Variants in MUC4 observed in about 807,000 individuals in gnomAD.
The protein encoded by MUC4 is mucin-4.
In MUC4, 202 loss-of-function variants were observed where a neutral mutation model predicts 257.9. The ratio of observed to expected loss-of-function variants is 0.78; its 90% CI spans 0.70 to 0.88. The LOEUF (loss-of-function observed/expected upper bound fraction) is 0.88, where lower values mean the gene tolerates loss of function less well. Among genes scored for constraint, MUC4 ranks in the 40% least tolerant of loss-of-function variants. The pLI is 0.00. For missense variants in MUC4, 5,976 were observed against 6,513.7 expected (o/e 0.92, Z 2.84); for synonymous variants, 2,351 against 2,757.1 (o/e 0.85, Z 4.62).
chr3:195,748,512 C>T (rs1169990301), intron 24 of MUC4, among the ~76,000 whole-genome samples: 1 of 152,382 alleles, frequency 6.6e-6, no homozygotes, highest in East Asian at 1.9e-4. Flanking sequence ...TGCAGTGAGC[C>T]GAGAACGCAC....
rs530204512 is a variant in MUC4, at chr3:195,778,869, G to A, written c.12711C>T (p.His4237=). The A allele has an allele frequency of 8.0e-5, 128 of 1,607,194 alleles. 4 individuals carry two copies. The South Asian group carries it at 1.1e-3, about 14-fold the overall frequency. Residue 4237 remains histidine (H), a synonymous_variant, in exon 2 of 25, where the codon CAC becomes CAT. Transcript: ENST00000463781. ...CACTGCTGACAGCAAGAGGGGTGGC[G>A]TGACCTGTGGATACTGAGGAAAGGC... ...VTSLSSVSTG[H]ATPLAVSSAT...
At chr3:195,794,590 G>A (rs144028011) in intron 1 of MUC4, among the ~76,000 whole-genome samples, 104 of 152,018 alleles carry the variant, frequency 6.8e-4, no homozygotes, top group African/African-American at 1.6e-3. Context: ...TCGAACTCCC[G>A]GCCTCAAGCG....
In MUC4 at chr3:195,780,409, C is replaced by T. The variant is rs769105131; in HGVS notation, c.11171G>A (p.Gly3724Asp). Reference protein sequence around the residue: ...PVTSTSSVSTGHVTPLHVTSP... With the variant: ...PVTSTSSVSTDHVTPLHVTSP... ...GGTGACATGAAGAGGGGTGACGTGA[C>T]CTGTAGATACTGAGGAAGTGCTGGT... The change falls in exon 2 of 25, where the codon GGT (glycine) becomes GAT (aspartate). Residue 3724 changes from glycine to aspartate, a missense_variant. This residue lies in a region of MUC4 where 330 missense variants were observed against 262.0 expected (regional missense o/e 1.26). Transcript: ENST00000463781. 1.3e-5 allele frequency: 20 copies of T among 1,535,362 alleles called. No homozygotes were observed. In the South Asian group the frequency reaches 2.4e-4, roughly 18 times the overall value.
At chr3:195,752,933 G>T in intron 20 of MUC4, 118 bp downstream of exon 20, 1 of 945,382 alleles carries the variant, frequency 1.1e-6, no homozygotes, top group Non-Finnish European at 1.5e-6. Flanking sequence ...GAAATCTGGA[G>T]CTCTGTCCTG....
Position 195,781,074 on chromosome 3 carries a change from G to A in MUC4, c.10506C>T (p.Thr3502=), listed in dbSNP as rs1443164698. 5 of 1,495,316 alleles carry A rather than the reference G, an allele frequency of 3.3e-6. No homozygotes were observed. The highest frequency in any genetic ancestry group is 1.6e-5 in the African/African-American group (1 of 62,532). 92.6% of individuals were successfully genotyped at this position (1,495,316 alleles called of 1,614,324 possible). A position where few individuals can be genotyped will look rare whatever the true frequency, so the allele number is the denominator to read the frequency against. The change falls in exon 2 of 25, where the codon ACC becomes ACT. Residue 3502 remains threonine, a synonymous_variant. Coordinates refer to ENST00000463781, the MANE Select transcript of MUC4 (RefSeq NM_018406.7). ...AAGCGCCGGTGACAGGAAGAGTGCT[G>A]GTGTCACCTGTGGATGCTGAGGAAG... ...TIPSSASTGD[T]STLPVTGASS... is the part of the protein sequence containing the mutation.
At chr3:195,805,066 C>CTT (rs10643598) in intron 1 of MUC4, among the ~76,000 whole-genome samples, 117,343 of 147,286 alleles carry the variant, frequency 0.8, 46,970 homozygotes, top group African/African-American at 0.86. Flanking sequence ...TTATCTTTAT[C>CTT]TTTTTTTTTT....
At chr3:195,778,166 C>T (rs189843800) in intron 3 of MUC4, 137 bp downstream of exon 3, 50 of 1,179,052 alleles carry the variant, frequency 4.2e-5, no homozygotes, top group Admixed American at 1.3e-4. Context: ...CCCTCAGGAG[C>T]GACTCCGATG....
At chr3:195,750,263 A>G (rs1184938734) in intron 23 of MUC4, 1 of 152,928 alleles carries the variant, frequency 6.5e-6, no homozygotes. Context: ...CAGAAATCCC[A>G]TCTCATTTTC....
At position 195,774,042 on chromosome 3, in the gene MUC4, G is replaced by A. The variant is rs537594144; in HGVS notation, c.13077+130C>T. ...TCAGGCAGAGGCCTGACATTAAGGA[G>A]GCTGTGGGGATGGACGAGGGGCCCA... On this transcript the variant is annotated intron_variant, in intron 4 of 24. Coordinates refer to ENST00000463781, the MANE Select transcript of MUC4 (RefSeq NM_018406.7). 4.9e-6 allele frequency: 6 copies of A among 1,235,150 alleles called. No homozygotes were observed. In the African/African-American group the frequency reaches 9.5e-5, roughly 20 times the overall value. 76.5% of individuals were successfully genotyped at this position (1,235,150 alleles called of 1,614,324 possible). A position where few individuals can be genotyped will look rare whatever the true frequency, so the allele number is the denominator to read the frequency against.
At chr3:195,803,893 C>G (rs1051725808) in intron 1 of MUC4, among the ~76,000 whole-genome samples, 1 of 151,956 alleles carries the variant, frequency 6.6e-6, no homozygotes, top group Non-Finnish European at 1.5e-5. Context: ...GCAGAGGGCT[C>G]TGAGCCTGAG....
At position 195,770,326 on chromosome 3, in the gene MUC4, C is replaced by G; in HGVS notation, c.13288G>C (p.Ala4430Pro). 6.2e-7 allele frequency: 1 copy of G among 1,614,006 alleles called. No individual in the cohort carries two copies. The highest frequency in any genetic ancestry group is 8.5e-7 in the Non-Finnish European group (1 of 1,179,984). Residue 4430 changes from alanine to proline, a missense_variant, in exon 6 of 25, where the codon GCC becomes CCC. By Grantham distance (27) the Ala-to-Pro change is conservative (BLOSUM62 -1). This residue lies in a region of MUC4 where 996 missense variants were observed against 1,137.3 expected (regional missense o/e 0.88). Coordinates refer to ENST00000463781, the MANE Select transcript of MUC4 (RefSeq NM_018406.7). Reference sequence around the variant, plus strand: ...GTCATCTTTCTAATCCAAGACTCGGCCTGCTGGACTAGCAGGCTGTGTTCA... The same window carrying G: ...GTCATCTTTCTAATCCAAGACTCGGGCTGCTGGACTAGCAGGCTGTGTTCA... The part of the protein sequence containing the change: ...YGEHSLLVQQ[A>P]ESWIRKMTNN...
chr3:195,753,066 G>C lies in MUC4; in HGVS notation c.15493C>G (p.Pro5165Ala), dbSNP rs1344304429. The C allele has an allele frequency of 2.5e-6, 4 of 1,612,550 alleles. No individual in the cohort carries two copies. Among genetic ancestry groups the C allele is most frequent in the Non-Finnish European group, 2.5e-6 (3 of 1,179,504 alleles). ...CTGGCGGTACCTAGGTTGACAGTTGGACTGAAGTTGTTCCCAGCCAGGAAG... is the reference window on the plus strand; with the variant it reads ...CTGGCGGTACCTAGGTTGACAGTTGCACTGAAGTTGTTCCCAGCCAGGAAG... ...RCFLAGNNFS[P>A]TVNLELPLRV... The change falls in exon 20 of 25, where the codon CCA (proline) becomes GCA (alanine). Residue 5165 changes from proline to alanine, a missense_variant. Pro to Ala is a conservative substitution (Grantham distance 27, BLOSUM62 -1). This residue lies in a region of MUC4 where 996 missense variants were observed against 1,137.3 expected (regional missense o/e 0.88). Transcript: ENST00000463781.
At position 195,751,039 on chromosome 3, in the gene MUC4, G is replaced by A. The variant is rs376185784; in HGVS notation, c.15721C>T (p.Arg5241Trp). The A allele has an allele frequency of 1.1e-5, 17 of 1,613,784 alleles. No individual in the cohort carries two copies. Among genetic ancestry groups the A allele is most frequent in the Middle Eastern group, 1.6e-4 (1 of 6,082 alleles). ...MVISEFQYRP[R>W]GPVIDFLNNQ... Reference sequence around the variant, plus strand: ...TTCAGGAAGTCAATGACCGGGCCCCGAGGGCGGTACTGGAACTCCGAGATG... The same window carrying A: ...TTCAGGAAGTCAATGACCGGGCCCCAAGGGCGGTACTGGAACTCCGAGATG... The change falls in exon 23 of 25, where the codon CGG becomes TGG. Residue 5241 changes from arginine to tryptophan, a missense_variant. Physicochemically the swap from Arg to Trp is moderately radical, Grantham distance 101. Transcript: ENST00000463781.
Position 195,790,500 on chromosome 3 carries a change from G to A in MUC4, c.1080C>T (p.Asn360=). 2 of 1,614,030 alleles carry A rather than the reference G, an allele frequency of 1.2e-6. No individual in the cohort carries two copies. Among genetic ancestry groups the A allele is most frequent in the Non-Finnish European group, 1.7e-6 (2 of 1,179,900 alleles). ...STVLSSPSGF[N]PSGTVSQETF... is the part of the protein sequence containing the mutation. ...TCTCCTGAGAAACTGTTCCACTTGG[G>A]TTGAATCCACTTGGTGAGGATAAAA... is the stretch of plus-strand genomic sequence containing the variant. The change falls in exon 2 of 25, where the codon AAC becomes AAT. Residue 360 remains asparagine (N), a synonymous_variant. Transcript: ENST00000463781.
At chr3:195,752,289 T>C (rs2148758017) in intron 21 of MUC4, 84 bp downstream of exon 21, 4 of 1,260,930 alleles carry the variant, frequency 3.2e-6, no homozygotes, top group Non-Finnish European at 4.6e-6. Flanking sequence ...GATGACAAGA[T>C]GAAGGCCGCA....
rs375879493 is a variant in MUC4, at chr3:195,778,861, G to A, written c.12719C>T (p.Pro4240Leu). 1.4e-5 allele frequency: 23 copies of A among 1,610,412 alleles called. 1 individual carries two copies. The East Asian group carries it at 1.6e-4, about 11-fold the overall frequency. Residue 4240 changes from proline to leucine, a missense_variant, in exon 2 of 25, where the codon CCT (proline) becomes CTT (leucine). By Grantham distance (98) the Pro-to-Leu change is moderately conservative (BLOSUM62 -3). Transcript: ENST00000463781. Reference sequence around the variant, plus strand: ...TGAGGTAGCACTGCTGACAGCAAGAGGGGTGGCGTGACCTGTGGATACTGA... The same window carrying A: ...TGAGGTAGCACTGCTGACAGCAAGAAGGGTGGCGTGACCTGTGGATACTGA... ...LSSVSTGHAT[P>L]LAVSSATSAS...
In MUC4 at chr3:195,765,434, T is replaced by A. The variant is rs1267108309; in HGVS notation, c.13634A>T (p.Gln4545Leu). Residue 4545 changes from glutamine (Q) to leucine (L), a missense_variant, in exon 9 of 25, where the codon CAG (glutamine) becomes CTG (leucine). Transcript: ENST00000463781. ...TTCTTCCCGGTGTAGCCTGTAGAAC[T>A]GCAGCCCTTGGAGGCCTGAGGTCGG... is the stretch of plus-strand genomic sequence containing the variant. Reference protein sequence around the residue: ...LNSNSGLQGLQFYRLHREERP... With the variant: ...LNSNSGLQGLLFYRLHREERP... 3 of 1,612,454 alleles carry A rather than the reference T, an allele frequency of 1.9e-6. No individual in the cohort carries two copies. In the East Asian group the frequency reaches 6.7e-5, roughly 36 times the overall value.
chr3:195,759,291 G>C (rs778199670), intron 16 of MUC4, 30 bp from the exon 17 acceptor site: 1 of 1,609,988 alleles, frequency 6.2e-7, no homozygotes, highest in Non-Finnish European at 8.5e-7. Flanking sequence ...TGGGGGTTCC[G>C]AGGCAGGACA....
intron 7 of MUC4, 63 bp downstream of exon 7, chr3:195,768,959 C>A: frequency 6.4e-7 from 1 of 1,559,522 alleles, no homozygotes; most frequent in African/African-American, 1.3e-5. Context: ...GTGTGTGCAG[C>A]GAAAGCCGAC....
Sources: gnomAD v4.1 joint callset for allele counts (sites outside exome capture counted in the v4.1 genomes callset) on GRCh38, gnomAD v4.1.1 for gene constraint, gnomAD v4.1.1 regional missense constraint, MANE v1.5 for transcripts, NCBI Gene and HGNC (gene_info 2026-07-23, HGNC 2026-07-21) for gene names.